The following FBN3 variants were observed in gnomAD, a reference collection of about 807,000 sequenced individuals.
FBN3 encodes fibrillin-3.
FBN3 carries 234 observed loss-of-function variants against 330.1 expected under a neutral mutation model. The observed-to-expected ratio is 0.71, with a 90% CI of 0.64 to 0.79. The LOEUF (loss-of-function observed/expected upper bound fraction) is 0.79. FBN3 is among the 30% of genes least tolerant of loss of function. The pLI, the probability that FBN3 is intolerant of heterozygous loss-of-function variation, is 0.00. For synonymous variants in FBN3, 1,458 were observed against 1,517.3 expected, an observed-to-expected ratio of 0.96 and a Z score of 0.91; for missense variants, 3,606 against 3,886.9, an observed-to-expected ratio of 0.93 and a Z score of 1.92.
rs201138085 is a variant in FBN3, at chr19:8,117,478, C to T, written c.3449G>A (p.Arg1150His). The change falls in exon 27 of 64, where the codon CGC (arginine) becomes CAC (histidine). Residue 1150 changes from arginine (R) to histidine (H), a missense_variant. By Grantham distance (29) the Arg-to-His change is conservative. Transcript: ENST00000600128. ...CACAGTCTCACCCACGCAGCCCTGG[C>T]GGTCAGGTGTGCTCTGGAAGCCGGC... ...CHAGFQSTPD[R>H]QGCVDINECR... 2.9e-5 allele frequency: 46 copies of T among 1,560,660 alleles called. No homozygotes were observed. The highest frequency in any genetic ancestry group is 1.7e-4 in the Middle Eastern group (1 of 5,998).
At position 8,081,349 on chromosome 19, in the gene FBN3, G is replaced by T. The variant is rs182716206; in HGVS notation, c.7336+9C>A. 9.9e-4 allele frequency: 1,574 copies of T among 1,592,742 alleles called. 16 individuals carry two copies. The African/African-American group carries it at 0.019, about 19-fold the overall frequency. On this transcript the variant is annotated intron_variant, in intron 58 of 63. Transcript: ENST00000600128. ...TGGTGGGAGTGGGGGAGAGTTGAAAGGACATCACCTTTGCAGGTCCTGCCA... is the reference window on the plus strand; with the variant it reads ...TGGTGGGAGTGGGGGAGAGTTGAAATGACATCACCTTTGCAGGTCCTGCCA...
chr19:8,118,640 C>T (rs541435092), intron 26 of FBN3, among the ~76,000 whole-genome samples: 123 of 152,172 alleles, frequency 8.1e-4, no homozygotes, highest in African/African-American at 2.7e-3. Context: ...AATGCACAAA[C>T]GCTTGCCCTT....
intron 8 of FBN3, 47 bp downstream of exon 8, chr19:8,141,670 C>T (rs1450531042): frequency 1.3e-6 from 2 of 1,576,620 alleles, no homozygotes; most frequent in Admixed American, 1.8e-5. Flanking sequence ...CCCCCCAGGT[C>T]ATGAGTCACA....
intron 26 of FBN3, among the ~76,000 whole-genome samples, chr19:8,118,390 G>A (rs1398873961): frequency 6.6e-6 from 1 of 152,166 alleles, no homozygotes; most frequent in African/African-American, 2.4e-5. Context: ...AGCCCAGGAG[G>A]TGGAGGCTGC....
At chr19:8,110,368 A>G (rs1184687681) in intron 34 of FBN3, among the ~76,000 whole-genome samples, 4 of 152,186 alleles carry the variant, frequency 2.6e-5, no homozygotes, top group East Asian at 1.9e-4. Context: ...CAAAACCCAT[A>G]TATAGAAAAT....
chr19:8,135,936 G>GGGCCAC, intron 13 of FBN3, 25 bp downstream of exon 13: 1 of 668,778 alleles, frequency 1.5e-6, no homozygotes, highest in South Asian at 1.6e-5. Context: ...GGAAGCCCCT[G>GGGCCAC]CCCACCCGCC....
chr19:8,071,311 A>G (rs1463075757), intron 63 of FBN3, among the ~76,000 whole-genome samples: 1 of 152,192 alleles, frequency 6.6e-6, no homozygotes, highest in African/African-American at 2.4e-5. Context: ...CCCTACGGCT[A>G]CTGAGTGGTG....
At chr19:8,126,671 C>T (rs375122253) in intron 19 of FBN3, 42 bp downstream of exon 19, 649 of 1,587,384 alleles carry the variant, frequency 4.1e-4, no homozygotes, top group Non-Finnish European at 5.3e-4. Context: ...GACCCATAGA[C>T]GCCCAGCCTC....
chr19:8,106,800 TG>T (rs58902364), intron 37 of FBN3, among the ~76,000 whole-genome samples: 1,964 of 149,536 alleles, frequency 0.013, 46 homozygotes, highest in African/African-American at 0.046. Context: ...GGTGGATGAA[TG>T]GGGGAATAGA....
Position 8,096,449 on chromosome 19 carries a change from C to T in FBN3, c.5534G>A (p.Cys1845Tyr). The change falls in exon 44 of 64, where the codon TGC becomes TAC. Residue 1845 changes from cysteine (C) to tyrosine (Y), a missense_variant. Cys to Tyr is a radical substitution (Grantham distance 194). Transcript: ENST00000600128. This position sits in a 1 kb window ranked among gnomAD's most constrained non-coding sequence, Gnocchi z 4.6. ...GGGGAAGATAAGGGTCTCACCCATG[C>T]ACAGGGTCTGGTCTGCAGAGGCCTG... is the stretch of plus-strand genomic sequence containing the variant. ...GFQASADQTLCMDIDECDRQP... is the reference protein window; with the variant it reads ...GFQASADQTLYMDIDECDRQP... 2 of 1,613,550 alleles carry T rather than the reference C, an allele frequency of 1.2e-6. No homozygotes were observed. Among genetic ancestry groups the T allele is most frequent in the East Asian group, 2.2e-5 (1 of 44,876 alleles).
At chr19:8,146,325 GCTGGTCATCTGCATC>G (rs1384440701) in intron 3 of FBN3, 100 bp from the exon 4 acceptor site, 2 of 937,890 alleles carry the variant, frequency 2.1e-6, no homozygotes, top group Non-Finnish European at 3.3e-6. Flanking sequence ...AGTGGACGCT[GCTGGTCATCTGCATC>G]CCCGGCTCTG....
chr19:8,075,596 T>A (rs986162506), intron 59 of FBN3, among the ~76,000 whole-genome samples, 185 bp from the exon 60 acceptor site: 5 of 152,216 alleles, frequency 3.3e-5, no homozygotes, highest in Non-Finnish European at 7.3e-5. Context: ...ATGTTTGAGA[T>A]CCTGCACATA....
At chr19:8,135,936 G>GCCACCCCCCCCCCC in intron 13 of FBN3, 25 bp downstream of exon 13, 1 of 668,778 alleles carries the variant, frequency 1.5e-6, no homozygotes, top group South Asian at 1.6e-5. Flanking sequence ...GGAAGCCCCT[G>GCCACCCCCCCCCCC]CCCACCCGCC....
chr19:8,135,643 A>G (rs1391697262), intron 13 of FBN3, among the ~76,000 whole-genome samples: 3 of 151,384 alleles, frequency 2.0e-5, no homozygotes, highest in Non-Finnish European at 4.4e-5. Flanking sequence ...CTGCAGCCTC[A>G]ACCTTTTCAG....
intron 63 of FBN3, among the ~76,000 whole-genome samples, chr19:8,069,168 C>T (rs754415221): frequency 7.9e-5 from 12 of 152,116 alleles, no homozygotes; most frequent in South Asian, 2.1e-4. Flanking sequence ...ACAGAAGAGC[C>T]GCCTGATAGC....
chr19:8,114,918 G>A (rs565538185), intron 30 of FBN3, among the ~76,000 whole-genome samples: 1 of 152,080 alleles, frequency 6.6e-6, no homozygotes, highest in Non-Finnish European at 1.5e-5. Flanking sequence ...GCCCAGGCTA[G>A]AATGCAGTGG....
Position 8,103,822 on chromosome 19 carries a change from A to G in FBN3, c.4814-135T>C, listed in dbSNP as rs191520115. The stretch of plus-strand genomic sequence containing the variant: ...GTTTCAAAATCAGTTTAAAACGCAC[A>G]CACATCTTAGTGATGAAGAAAGCTA... On this transcript the variant is annotated intron_variant, in intron 38 of 63. Coordinates refer to ENST00000600128, the MANE Select transcript of FBN3 (RefSeq NM_032447.5). The G allele has an allele frequency of 2.5e-4, 188 of 753,956 alleles. 1 individual carries two copies. The highest frequency in any genetic ancestry group is 1.6e-3 in the Admixed American group (58 of 35,886). The allele number at this position is 753,956 out of a possible 1,614,324, so 46.7% of individuals were successfully genotyped here. A position where few individuals can be genotyped will look rare whatever the true frequency, so the allele number is the denominator to read the frequency against.
Position 8,131,953 on chromosome 19 carries a change from T to C in FBN3, c.1715-124A>G. The C allele has an allele frequency of 8.6e-7, 1 of 1,163,330 alleles. No individual in the cohort carries two copies. The highest frequency in any genetic ancestry group is 2.8e-5 in the East Asian group (1 of 35,304). The allele number at this position is 1,163,330 out of a possible 1,614,324, so 72.1% of individuals were successfully genotyped here. A position where few individuals can be genotyped will look rare whatever the true frequency, so the allele number is the denominator to read the frequency against. Reference sequence around the variant, plus strand: ...TTCTTTCCTTTCCAGTTTCTTGTCTTTCCAGTTTCCTGTTGTCTGTGTCTC... The same window carrying C: ...TTCTTTCCTTTCCAGTTTCTTGTCTCTCCAGTTTCCTGTTGTCTGTGTCTC... On this transcript the variant is annotated intron_variant, in intron 14 of 63. Transcript: ENST00000600128. This position sits in a 1 kb window ranked among gnomAD's most constrained non-coding sequence, Gnocchi z 4.5.
intron 22 of FBN3, among the ~76,000 whole-genome samples, chr19:8,125,045 G>T (rs2082945767): frequency 6.6e-6 from 1 of 152,192 alleles, no homozygotes; most frequent in Non-Finnish European, 1.5e-5. Flanking sequence ...AAGATGTTGA[G>T]AGTTGGGGAG....
Sources: gnomAD v4.1 joint callset for allele counts (sites outside exome capture counted in the v4.1 genomes callset) on GRCh38, gnomAD v4.1.1 for gene constraint, Gnocchi (gnomAD v3.1) non-coding constraint, MANE v1.5 for transcripts, NCBI Gene and HGNC (gene_info 2026-07-23, HGNC 2026-07-21) for gene names.